TC2N: variants seen among roughly 807,000 people sequenced by gnomAD.
TC2N encodes the protein tandem C2 domains, nuclear.
TC2N carries 51 observed loss-of-function variants against 61.9 expected under a neutral mutation model. That is an observed-to-expected ratio of 0.82 (90% CI 0.66 to 1.04). The LOEUF (loss-of-function observed/expected upper bound fraction) is 1.04, where lower values mean the gene tolerates loss of function less well. TC2N is among the 50% of genes least tolerant of loss of function. The probability of loss-of-function intolerance (pLI) is 0.00; values close to 1 mark genes in which losing one functional copy is unlikely to be tolerated. For missense variants in TC2N, 556 were observed against 566.7 expected (o/e 0.98, Z 0.19); for synonymous variants, 204 against 192.6 (o/e 1.06, Z -0.49).
At chr14:91,858,435 AC>A (rs1218809797) in intron 1 of TC2N, among the ~76,000 whole-genome samples, 9 of 152,084 alleles carry the variant, frequency 5.9e-5, no homozygotes, top group Non-Finnish European at 7.4e-5. Flanking sequence ...TGGACAAAGA[AC>A]CAAAGATGTC....
intron 1 of TC2N, among the ~76,000 whole-genome samples, chr14:91,829,864 T>C (rs996477088): frequency 3.3e-5 from 5 of 152,154 alleles, no homozygotes; most frequent in African/African-American, 4.8e-5. Flanking sequence ...AATTCATGCG[T>C]TGACAAATAA....
In TC2N at chr14:91,799,067, A is replaced by G. The variant is rs911927543; in HGVS notation, c.562-3T>C. The G allele has an allele frequency of 1.3e-6, 2 of 1,563,368 alleles. No individual in the cohort carries two copies. The highest frequency in any genetic ancestry group is 2.3e-5 in the East Asian group (1 of 43,412). ...ACACTGGACAATGAATCATGTCTCT[A>G]TAAATAAAATTATTCTTTAGTCAGA... On this transcript the variant is annotated splice_region_variant and splice_polypyrimidine_tract_variant and intron_variant, in intron 5 of 11. Transcript: ENST00000435962.
intron 1 of TC2N, among the ~76,000 whole-genome samples, chr14:91,858,185 G>A (rs1337216740): frequency 1.4e-5 from 2 of 139,876 alleles, no homozygotes; most frequent in African/African-American, 5.2e-5. Context: ...TAAAGATGGG[G>A]TTTCACTATA....
chr14:91,847,568 A>G (rs1330359510), intron 1 of TC2N, among the ~76,000 whole-genome samples: 2 of 152,230 alleles, frequency 1.3e-5, no homozygotes, highest in Non-Finnish European at 2.9e-5. Flanking sequence ...GTAGAAAAGA[A>G]TAAGGCCCAT....
At chr14:91,843,170 A>G (rs1279363855) in intron 1 of TC2N, among the ~76,000 whole-genome samples, 2 of 152,178 alleles carry the variant, frequency 1.3e-5, no homozygotes, top group Non-Finnish European at 2.9e-5. Flanking sequence ...AGGTAAACCC[A>G]GCTGAGAACA....
chr14:91,842,558 G>A (rs1007629607), intron 1 of TC2N, among the ~76,000 whole-genome samples: 2 of 152,176 alleles, frequency 1.3e-5, no homozygotes, highest in African/African-American at 4.8e-5. Context: ...TAGTATGTCT[G>A]TCTATTAATA....
chr14:91,808,442 G>A (rs941003982), intron 3 of TC2N, among the ~76,000 whole-genome samples: 5 of 152,130 alleles, frequency 3.3e-5, no homozygotes, highest in African/African-American at 1.2e-4. Flanking sequence ...ATTCCTGACT[G>A]TGCTTGCAAC....
intron 2 of TC2N, among the ~76,000 whole-genome samples, 196 bp from the exon 3 acceptor site, chr14:91,812,741 C>A (rs1186478526): frequency 6.6e-6 from 1 of 151,896 alleles, no homozygotes; most frequent in Admixed American, 6.6e-5. Context: ...TAATACACTA[C>A]TGTTAAAGTG....
In TC2N at chr14:91,787,629, T is replaced by C; in HGVS notation, c.1048-2A>G. The C allele has an allele frequency of 1.9e-6, 3 of 1,564,596 alleles. No homozygotes were observed. The highest frequency in any genetic ancestry group is 1.7e-6 in the Non-Finnish European group (2 of 1,145,252). The stretch of plus-strand genomic sequence containing the variant: ...CAATTCAAGTTCTGCATGGCAAACC[T>C]GCATATCAAAAAAGTGTCATTTGGT... On this transcript the variant is annotated splice_acceptor_variant, in intron 9 of 11. Transcript: ENST00000435962. LOFTEE classifies it high-confidence loss of function.
chr14:91,810,252 C>G (rs1886704388), intron 3 of TC2N, among the ~76,000 whole-genome samples: 1 of 152,142 alleles, frequency 6.6e-6, no homozygotes, highest in South Asian at 2.1e-4. Context: ...CATGAGGGAT[C>G]TGCCCCCATG....
At chr14:91,832,546 C>T (rs1036926448) in intron 1 of TC2N, among the ~76,000 whole-genome samples, 2 of 151,940 alleles carry the variant, frequency 1.3e-5, no homozygotes, top group Admixed American at 6.6e-5. Context: ...CATTTCTCAC[C>T]CGATTGTCTA....
At position 91,782,938 on chromosome 14, in the gene TC2N, C is replaced by A. The variant is rs1342863472; in HGVS notation, c.*162G>T. 1 of 500,472 alleles carries A rather than the reference C, an allele frequency of 2.0e-6. No homozygotes were observed. The highest frequency in any genetic ancestry group is 3.5e-6 in the Non-Finnish European group (1 of 283,832). 31.0% of individuals were successfully genotyped at this position (500,472 alleles called of 1,614,324 possible). On this transcript the variant is annotated 3_prime_UTR_variant, in exon 12 of 12. Transcript: ENST00000435962. ...TTTGGATATCTGATAAAATTCATTA[C>A]ATTTTCTTATCAAATTTTCTATCAG...
intron 3 of TC2N, among the ~76,000 whole-genome samples, chr14:91,808,378 T>C (rs1886614786): frequency 6.6e-6 from 1 of 152,210 alleles, no homozygotes. Flanking sequence ...GTCCATGCAA[T>C]TATAAGATAG....
At chr14:91,805,226 T>C (rs1449546596) in intron 3 of TC2N, among the ~76,000 whole-genome samples, 2 of 152,130 alleles carry the variant, frequency 1.3e-5, no homozygotes, top group Admixed American at 1.3e-4. Context: ...TGTGTCTAAG[T>C]TTTTAACAAA....
At chr14:91,845,283 G>T (rs1017466671) in intron 1 of TC2N, among the ~76,000 whole-genome samples, 1 of 150,792 alleles carries the variant, frequency 6.6e-6, no homozygotes, top group African/African-American at 2.4e-5. Flanking sequence ...ATGTTTATAC[G>T]TCTAGTCTAA....
At chr14:91,857,757 C>T (rs906551810) in intron 1 of TC2N, among the ~76,000 whole-genome samples, 4 of 152,154 alleles carry the variant, frequency 2.6e-5, no homozygotes, top group African/African-American at 7.2e-5. Flanking sequence ...GCCTGAACCA[C>T]AACAAAATTC....
chr14:91,848,005 G>T (rs778336502), intron 1 of TC2N, among the ~76,000 whole-genome samples: 2 of 152,176 alleles, frequency 1.3e-5, no homozygotes, highest in African/African-American at 2.4e-5. Flanking sequence ...TTCAATTCAG[G>T]TGAAGAGAAT....
At chr14:91,821,348 T>G (rs1251321808) in intron 1 of TC2N, among the ~76,000 whole-genome samples, 1 of 151,722 alleles carries the variant, frequency 6.6e-6, no homozygotes, top group Non-Finnish European at 1.5e-5. Context: ...TTAACAAAGG[T>G]GCCAAGAAAT....
At chr14:91,834,220 A>G (rs771506607) in intron 1 of TC2N, among the ~76,000 whole-genome samples, 26 of 152,228 alleles carry the variant, frequency 1.7e-4, no homozygotes, top group Non-Finnish European at 3.4e-4. Flanking sequence ...CTTAAACACT[A>G]TAACACCTGA....
Sources: gnomAD v4.1 joint callset for allele counts (sites outside exome capture counted in the v4.1 genomes callset) on GRCh38, gnomAD v4.1.1 for gene constraint, MANE v1.5 for transcripts, NCBI Gene and HGNC (gene_info 2026-07-23, HGNC 2026-07-21) for gene names.